The following MEGF11 variants were observed in gnomAD, a reference collection of about 807,000 sequenced individuals.
The protein encoded by MEGF11 is multiple epidermal growth factor-like domains protein 11.
In MEGF11, 126 loss-of-function variants were observed where a neutral mutation model predicts 146.6. The observed-to-expected ratio is 0.86, with a 90% CI of 0.74 to 1.00. MEGF11 has a LOEUF of 1.00. Among genes scored for constraint, MEGF11 ranks in the 50% least tolerant of loss-of-function variants. MEGF11 has a pLI of 0.00. For synonymous variants in MEGF11, 532 were observed against 583.4 expected, an observed-to-expected ratio of 0.91 and a Z score of 1.27; for missense variants, 1,509 against 1,521.2, an observed-to-expected ratio of 0.99 and a Z score of 0.13.
At chr15:65,952,483 C>A (rs2080442983) in intron 10 of MEGF11, among the ~76,000 whole-genome samples, 1 of 152,170 alleles carries the variant, frequency 6.6e-6, no homozygotes, top group Admixed American at 6.5e-5. Context: ...CTCACAAAGA[C>A]AGGTATTTCA....
intron 1 of MEGF11, among the ~76,000 whole-genome samples, chr15:66,226,104 C>T (rs1381792416): frequency 1.3e-5 from 2 of 152,200 alleles, no homozygotes; most frequent in Non-Finnish European, 2.9e-5. Context: ...CCCTCTTACT[C>T]CCTCCAGCCC....
chr15:66,143,276 C>T (rs944788079), intron 1 of MEGF11, among the ~76,000 whole-genome samples: 5 of 152,234 alleles, frequency 3.3e-5, no homozygotes, highest in Non-Finnish European at 5.9e-5. Flanking sequence ...AGCACTCATC[C>T]CACTCCACCA....
chr15:66,011,430 G>A (rs778952374), intron 5 of MEGF11, among the ~76,000 whole-genome samples: 2 of 152,154 alleles, frequency 1.3e-5, no homozygotes, highest in Admixed American at 6.5e-5. Flanking sequence ...AAGAAAAAGC[G>A]AGATGCGGAA....
intron 24 of MEGF11, chr15:65,901,748 C>T (rs1017566969): frequency 6.6e-6 from 1 of 151,888 alleles, no homozygotes; most frequent in African/African-American, 2.4e-5. Flanking sequence ...TATTTTCTAA[C>T]ATGTGAGGAA....
At chr15:66,024,433 C>G (rs2083261297) in intron 5 of MEGF11, among the ~76,000 whole-genome samples, 1 of 152,248 alleles carries the variant, frequency 6.6e-6, no homozygotes, top group Non-Finnish European at 1.5e-5. Context: ...AAATGACTTT[C>G]CCAAAGTCAC....
Position 65,955,739 on chromosome 15 carries a change from TA to T in MEGF11, c.1287+1807del, listed in dbSNP as rs1189666912. On this transcript the variant is annotated intron_variant, in intron 10 of 25. Transcript: ENST00000395614. ...AGTCTGGGCAACAAAGTGAGACTCT[TA>T]AAAAAAAAAAAAAAAAAAAAAATAT... Among the ~76,000 whole-genome samples the T allele has an allele frequency of 3.5e-3, 34 of 9,726 alleles. 1 individual carries two copies. Among genetic ancestry groups the T allele is most frequent in the African/African-American group, 9.1e-3 (15 of 1,644 alleles). 6.4% of individuals were successfully genotyped at this position (9,726 alleles called of 152,430 possible).
intron 15 of MEGF11, among the ~76,000 whole-genome samples, chr15:65,921,080 G>A (rs1433779435): frequency 6.6e-6 from 1 of 152,164 alleles, no homozygotes; most frequent in African/African-American, 2.4e-5. Context: ...TGACCTCAAA[G>A]CATCATGTAG....
chr15:66,252,064 G>T (rs1343389948), intron 1 of MEGF11, among the ~76,000 whole-genome samples: 1 of 152,196 alleles, frequency 6.6e-6, no homozygotes, highest in Non-Finnish European at 1.5e-5. Context: ...ATAATCTCCC[G>T]ACAGCACTCC....
chr15:66,003,560 G>C (rs571241674), intron 5 of MEGF11, among the ~76,000 whole-genome samples: 2 of 152,230 alleles, frequency 1.3e-5, no homozygotes, highest in East Asian at 3.9e-4. Flanking sequence ...AGCAGCCGTG[G>C]TGGCCACAGA....
intron 1 of MEGF11, among the ~76,000 whole-genome samples, chr15:66,134,599 G>A (rs533479823): frequency 6.6e-6 from 1 of 152,278 alleles, no homozygotes; most frequent in Non-Finnish European, 1.5e-5. Context: ...CAAAACCTCT[G>A]AAGACAAGTC....
chr15:65,916,675 G>T, intron 17 of MEGF11, 153 bp downstream of exon 17: 1 of 1,327,228 alleles, frequency 7.5e-7, no homozygotes, highest in Non-Finnish European at 1.1e-6. Flanking sequence ...CCCCTGCAGA[G>T]CTCCTCAGTT....
chr15:65,917,874 G>C, intron 16 of MEGF11, 92 bp downstream of exon 16: 4 of 1,477,664 alleles, frequency 2.7e-6, no homozygotes, highest in Non-Finnish European at 2.8e-6. Flanking sequence ...CCCTGGAAGT[G>C]GAGGCACCAG....
intron 1 of MEGF11, among the ~76,000 whole-genome samples, chr15:66,209,128 A>G (rs1250293420): frequency 7.9e-5 from 12 of 152,088 alleles, no homozygotes; most frequent in Non-Finnish European, 4.4e-5. Context: ...AGGCGGGTGG[A>G]CCACAAGGTC....
At chr15:66,039,186 A>C (rs2083849942) in intron 5 of MEGF11, among the ~76,000 whole-genome samples, 1 of 152,230 alleles carries the variant, frequency 6.6e-6, no homozygotes. Context: ...CCACCGAAAA[A>C]CATCGCCCTT....
chr15:65,964,020 G>A (rs2080966327), intron 9 of MEGF11, among the ~76,000 whole-genome samples: 1 of 152,176 alleles, frequency 6.6e-6, no homozygotes, highest in African/African-American at 2.4e-5. Context: ...TCCCTGGGCT[G>A]TCCGTAGGCC....
intron 13 of MEGF11, among the ~76,000 whole-genome samples, chr15:65,925,416 A>C (rs2079336931): frequency 6.6e-6 from 1 of 152,148 alleles, no homozygotes; most frequent in Admixed American, 6.5e-5. Flanking sequence ...TGTGGTTCTT[A>C]TATGTCCCAA....
intron 1 of MEGF11, among the ~76,000 whole-genome samples, chr15:66,215,103 C>T (rs2091553720): frequency 6.6e-6 from 1 of 152,206 alleles, no homozygotes; most frequent in South Asian, 2.1e-4. Context: ...CTCATACGCG[C>T]TCTCTGCAGC....
At chr15:66,161,719 AT>A (rs1195024849) in intron 1 of MEGF11, among the ~76,000 whole-genome samples, 1 of 152,144 alleles carries the variant, frequency 6.6e-6, no homozygotes, top group Admixed American at 6.5e-5. Flanking sequence ...AATGAATATG[AT>A]TTAAGTGAGG....
chr15:65,922,462 AG>A lies in MEGF11; in HGVS notation c.1832del (p.Pro611LeufsTer189), dbSNP rs775071380. On this transcript the variant is annotated frameshift_variant, in exon 15 of 26. Coordinates refer to ENST00000395614, the MANE Select transcript of MEGF11 (RefSeq NM_001385028.1). LOFTEE classifies it high-confidence loss of function. ...RGPLCQRICP[P>X]GFYGHGCAQP... ...GGGCGCAGCCGTGGCCATAGAACCC[AG>A]GGGGGCAGACTGAGGGTGAAGGGAA... The A allele has an allele frequency of 1.0e-5, 16 of 1,573,818 alleles. No homozygotes were observed. The highest frequency in any genetic ancestry group is 1.3e-5 in the Non-Finnish European group (15 of 1,160,144).
Sources: allele counts gnomAD v4.1 joint callset (sites outside exome capture counted in the v4.1 genomes callset), GRCh38; gene constraint gnomAD v4.1.1; transcripts MANE v1.5; gene names NCBI Gene and HGNC (gene_info 2026-07-23, HGNC 2026-07-21).